The following CHRM5 variants were observed in gnomAD, a reference collection of about 807,000 sequenced individuals.
CHRM5 encodes muscarinic acetylcholine receptor M5.
CHRM5 carries 18 observed loss-of-function variants against 39.0 expected under a neutral mutation model. The ratio of observed to expected loss-of-function variants is 0.46; its 90% CI spans 0.32 to 0.68. The LOEUF (loss-of-function observed/expected upper bound fraction) is 0.68. Ranked by LOEUF, CHRM5 falls within the 30% of genes least tolerant of loss-of-function variation. The probability of loss-of-function intolerance (pLI) is 0.04; values close to 1 mark genes in which losing one functional copy is unlikely to be tolerated. For synonymous variants in CHRM5, 241 were observed against 246.3 expected, an observed-to-expected ratio of 0.98 and a Z score of 0.20; for missense variants, 515 against 651.1, an observed-to-expected ratio of 0.79 and a Z score of 2.28.
At chr15:34,028,586 C>T (rs572537650) in intron 1 of CHRM5, among the ~76,000 whole-genome samples, 1 of 151,982 alleles carries the variant, frequency 6.6e-6, no homozygotes, top group Non-Finnish European at 1.5e-5. Flanking sequence ...ACAACAACAA[C>T]AAAAAAGAAG....
chr15:33,980,768 C>T (rs777586517), intron 1 of CHRM5, among the ~76,000 whole-genome samples: 9 of 152,146 alleles, frequency 5.9e-5, no homozygotes, highest in Non-Finnish European at 1.2e-4. Flanking sequence ...AGGCAAGGAC[C>T]TTAACTAGTT....
chr15:34,035,911 T>C (rs895396525), intron 1 of CHRM5, among the ~76,000 whole-genome samples: 6 of 152,080 alleles, frequency 3.9e-5, no homozygotes, highest in Non-Finnish European at 7.4e-5. Flanking sequence ...TCCGGCTGCT[T>C]CAGCCTCCCT....
At chr15:33,999,783 A>G (rs1650354934) in intron 1 of CHRM5, among the ~76,000 whole-genome samples, 1 of 152,114 alleles carries the variant, frequency 6.6e-6, no homozygotes, top group South Asian at 2.1e-4. Flanking sequence ...CTTCCTAACT[A>G]GTCTACCCGC....
At chr15:34,058,380 C>T (rs1005958060) in intron 2 of CHRM5, among the ~76,000 whole-genome samples, 1 of 152,156 alleles carries the variant, frequency 6.6e-6, no homozygotes, top group African/African-American at 2.4e-5. Context: ...TAGGCTCCAA[C>T]AAACCAGAAT....
intron 1 of CHRM5, among the ~76,000 whole-genome samples, chr15:34,043,836 T>C (rs1899580229): frequency 6.6e-6 from 1 of 152,212 alleles, no homozygotes; most frequent in African/African-American, 2.4e-5. Context: ...GAATTTCCAG[T>C]GTTGCCATTA....
intron 1 of CHRM5, among the ~76,000 whole-genome samples, chr15:34,004,648 G>A (rs1897265656): frequency 6.6e-6 from 1 of 152,096 alleles, no homozygotes; most frequent in Non-Finnish European, 1.5e-5. Flanking sequence ...CTTTATGGAT[G>A]AAAAGATAGG....
chr15:34,034,486 A>T (rs1417647033), intron 1 of CHRM5, among the ~76,000 whole-genome samples: 1 of 152,196 alleles, frequency 6.6e-6, no homozygotes, highest in South Asian at 2.1e-4. Flanking sequence ...CAATTTATAA[A>T]AATTGTGTTT....
chr15:33,984,754 T>A (rs892241352), intron 1 of CHRM5, among the ~76,000 whole-genome samples: 3 of 152,104 alleles, frequency 2.0e-5, no homozygotes, highest in Admixed American at 2.0e-4. Context: ...ACAAACATCT[T>A]CCCAGGACTT....
chr15:34,033,034 C>T (rs192125059), intron 1 of CHRM5, among the ~76,000 whole-genome samples: 55 of 152,248 alleles, frequency 3.6e-4, no homozygotes, highest in African/African-American at 1.3e-3. Context: ...CCAACATTCC[C>T]ATCTACCTAT....
At chr15:34,038,701 T>C in intron 1 of CHRM5, 6 of 1,095,806 alleles carry the variant, frequency 5.5e-6, no homozygotes, top group Non-Finnish European at 6.7e-6. Flanking sequence ...CACGCTCTCT[T>C]GCGGCTCTTG....
chr15:34,033,941 C>G (rs545017135), intron 1 of CHRM5, among the ~76,000 whole-genome samples: 4 of 152,162 alleles, frequency 2.6e-5, no homozygotes, highest in Non-Finnish European at 5.9e-5. Flanking sequence ...GTGCGCGCCA[C>G]CATGCCCAGC....
At chr15:33,971,939 C>T (rs1471386058) in intron 1 of CHRM5, 1 of 152,008 alleles carries the variant, frequency 6.6e-6, no homozygotes, top group Non-Finnish European at 1.5e-5. Flanking sequence ...TGGGAAGTGG[C>T]TCTGATATCA....
At chr15:33,993,161 A>C (rs1003425077) in intron 1 of CHRM5, among the ~76,000 whole-genome samples, 33 of 152,206 alleles carry the variant, frequency 2.2e-4, no homozygotes, top group Non-Finnish European at 2.2e-4. Flanking sequence ...TGGGGAAAAA[A>C]AATGAAGGGC....
At position 34,006,904 on chromosome 15, in the gene CHRM5, A is replaced by G. The variant is rs540376856; in HGVS notation, c.-408+37754A>G. ...GATGTGAGACAAAATAAAAATATGC[A>G]AAGCCTCAATATGGAGAAAAAGAAC... On this transcript the variant is annotated intron_variant, in intron 1 of 2. Transcript: ENST00000383263. 2.0e-5 allele frequency: 5 copies of G among 246,142 alleles called. No individual in the cohort carries two copies. In the East Asian group the frequency reaches 5.4e-4, roughly 26 times the overall value. The allele number at this position is 246,142 out of a possible 1,614,324, so 15.2% of individuals were successfully genotyped here. A position where few individuals can be genotyped will look rare whatever the true frequency, so the allele number is the denominator to read the frequency against.
intron 1 of CHRM5, among the ~76,000 whole-genome samples, chr15:34,003,423 A>G (rs1261431069): frequency 1.3e-5 from 2 of 152,222 alleles, no homozygotes; most frequent in African/African-American, 4.8e-5. Flanking sequence ...AAATCTAGCA[A>G]GCAGCTGCCT....
At chr15:34,019,338 G>A (rs1469124613) in intron 1 of CHRM5, among the ~76,000 whole-genome samples, 3 of 152,180 alleles carry the variant, frequency 2.0e-5, no homozygotes, top group Non-Finnish European at 4.4e-5. Context: ...GCTGTACAAT[G>A]TGTTTGTTTT....
chr15:34,048,603 T>G (rs1170941311), intron 2 of CHRM5, among the ~76,000 whole-genome samples: 8 of 152,124 alleles, frequency 5.3e-5, no homozygotes, highest in African/African-American at 2.4e-5. Flanking sequence ...TACAGTTTGG[T>G]TGACTCAGCC....
intron 1 of CHRM5, among the ~76,000 whole-genome samples, chr15:33,988,931 C>T (rs1246179183): frequency 2.6e-5 from 4 of 152,186 alleles, no homozygotes; most frequent in Non-Finnish European, 5.9e-5. Context: ...TAATCTAAAT[C>T]CCCTGTATTT....
chr15:34,063,918 A>G lies in CHRM5; in HGVS notation c.1201A>G (p.Lys401Glu). The G allele has an allele frequency of 6.2e-7, 1 of 1,614,180 alleles. No individual in the cohort carries two copies. The highest frequency in any genetic ancestry group is 8.5e-7 in the Non-Finnish European group (1 of 1,180,030). ...QETNNGCHKV[K>E]IMPCPFPVAK... ...GACCAACAATGGCTGTCACAAGGTGAAAATCATGCCCTGCCCCTTCCCAGT... is the reference window on the plus strand; with the variant it reads ...GACCAACAATGGCTGTCACAAGGTGGAAATCATGCCCTGCCCCTTCCCAGT... Residue 401 changes from lysine (K) to glutamate (E), a missense_variant, in exon 3 of 3, where the codon AAA becomes GAA. Lys to Glu is a moderately conservative substitution (Grantham distance 56, BLOSUM62 1). Transcript: ENST00000383263. This position sits in a 1 kb window ranked among gnomAD's most constrained non-coding sequence, Gnocchi z 4.1.
Sources: gnomAD v4.1 joint callset for allele counts (sites outside exome capture counted in the v4.1 genomes callset) on GRCh38, gnomAD v4.1.1 for gene constraint, Gnocchi (gnomAD v3.1) non-coding constraint, MANE v1.5 for transcripts, NCBI Gene and HGNC (gene_info 2026-07-23, HGNC 2026-07-21) for gene names.